GABRP: variants seen among roughly 807,000 people sequenced by gnomAD.
The protein encoded by GABRP is gamma-aminobutyric acid receptor subunit pi.
A neutral mutation model predicts 47.8 loss-of-function variants in GABRP; 52 were observed. The ratio of observed to expected loss-of-function variants is 1.09; its 90% CI spans 0.87 to 1.37. GABRP has a LOEUF of 1.37. Among genes scored for constraint, GABRP ranks in the 40% most tolerant of loss-of-function variants. The pLI is 0.00. For missense variants in GABRP, 525 were observed against 542.8 expected (o/e 0.97, Z 0.33); for synonymous variants, 221 against 205.8 (o/e 1.07, Z -0.63).
chr5:170,794,050 C>T (rs1765352520), intron 3 of GABRP, among the ~76,000 whole-genome samples, 181 bp from the exon 4 acceptor site: 2 of 152,138 alleles, frequency 1.3e-5, no homozygotes, highest in African/African-American at 4.8e-5. Flanking sequence ...GCACACCATA[C>T]ACAATGGTTA....
upstream of GABRP, chr5:170,783,646 A>G (rs1765058356): frequency 6.6e-6 from 1 of 152,140 alleles, no homozygotes; most frequent in Non-Finnish European, 1.5e-5. Context: ...GTCCCCACCA[A>G]GGATGGGGCT....
At chr5:170,802,080 G>A (rs1395910666) in intron 6 of GABRP, among the ~76,000 whole-genome samples, 1 of 152,164 alleles carries the variant, frequency 6.6e-6, no homozygotes, top group Non-Finnish European at 1.5e-5. Context: ...TAGATATAAA[G>A]CTCACACAGT....
rs1307038037 is a variant in GABRP, at chr5:170,808,748, C to A, written c.828C>A (p.Cys276Ter). 1.2e-6 allele frequency: 2 copies of A among 1,613,642 alleles called. No homozygotes were observed. The highest frequency in any genetic ancestry group is 1.3e-5 in the African/African-American group (1 of 74,916). The change falls in exon 8 of 10, where the codon TGC becomes TGA. Residue 276 changes from cysteine to a stop codon, truncating the protein, a stop_gained. Transcript: ENST00000265294. LOFTEE classifies it high-confidence loss of function. ...ISLDSVPART[C>*]IGVTTVLSMT... ...TCGATTCAGTCCCTGCAAGAACCTG[C>A]ATTGGTAAGCAGCTCCAACAGGAGA...
intron 3 of GABRP, among the ~76,000 whole-genome samples, chr5:170,793,743 C>A (rs902757820): frequency 3.3e-5 from 5 of 151,622 alleles, no homozygotes; most frequent in Admixed American, 2.0e-4. Flanking sequence ...GTTCCTTATG[C>A]GTTAATTCAG....
At chr5:170,810,443 C>G (rs565250149) in intron 9 of GABRP, among the ~76,000 whole-genome samples, 1 of 151,798 alleles carries the variant, frequency 6.6e-6, no homozygotes, top group South Asian at 2.1e-4. Context: ...AGAGACTTAC[C>G]GCAGGGGATA....
rs888655801 is a variant in GABRP at position 170,813,098 on chromosome 5, T to C, written c.*840T>C. The C allele has an allele frequency of 6.6e-6, 1 of 152,194 alleles. No individual in the cohort carries two copies. The highest frequency in any genetic ancestry group is 1.5e-5 in the Non-Finnish European group (1 of 68,036). 9.4% of individuals were successfully genotyped at this position (152,194 alleles called of 1,614,324 possible). A position where few individuals can be genotyped will look rare whatever the true frequency, so the allele number is the denominator to read the frequency against. On this transcript the variant is annotated 3_prime_UTR_variant, in exon 10 of 10. Coordinates refer to ENST00000265294, the MANE Select transcript of GABRP (RefSeq NM_014211.3). ...TTTTTTTTAACTTGTTCTAGAAGTCTTAATATGGGCTGTTGCCATGAAGGC... is the reference window on the plus strand; with the variant it reads ...TTTTTTTTAACTTGTTCTAGAAGTCCTAATATGGGCTGTTGCCATGAAGGC...
upstream of GABRP, chr5:170,782,979 G>C (rs4868027): frequency 0.63 from 96,458 of 152,174 alleles, 31,839 homozygotes; most frequent in African/African-American, 0.79. Flanking sequence ...GAGCACTGTC[G>C]AAGCACTTCT....
intron 3 of GABRP, among the ~76,000 whole-genome samples, chr5:170,789,827 C>T (rs1288229498): frequency 6.6e-6 from 1 of 152,182 alleles, no homozygotes; most frequent in African/African-American, 2.4e-5. Context: ...CCTGGCCTCT[C>T]CTGCCTCTAT....
chr5:170,805,625 C>T lies in GABRP; in HGVS notation c.542-91C>T, dbSNP rs908201971. On this transcript the variant is annotated intron_variant, in intron 6 of 9. Transcript: ENST00000265294. Reference sequence around the variant, plus strand: ...GACTTATCACTATGAAGAAAGAACTCATGCTGTCTCCATATTATAGCATTT... The same window carrying T: ...GACTTATCACTATGAAGAAAGAACTTATGCTGTCTCCATATTATAGCATTT... 1.7e-5 allele frequency: 24 copies of T among 1,380,954 alleles called. No homozygotes were observed. The African/African-American group carries it at 3.4e-4, about 20-fold the overall frequency. The allele number at this position is 1,380,954 out of a possible 1,614,324, so 85.5% of individuals were successfully genotyped here.
At chr5:170,804,775 C>T (rs1250405192) in intron 6 of GABRP, among the ~76,000 whole-genome samples, 2 of 151,808 alleles carry the variant, frequency 1.3e-5, no homozygotes, top group African/African-American at 2.4e-5. Flanking sequence ...ATTAAACTTT[C>T]CTAAGGTAAC....
At chr5:170,791,090 C>A (rs1561807477) in intron 3 of GABRP, among the ~76,000 whole-genome samples, 1 of 152,204 alleles carries the variant, frequency 6.6e-6, no homozygotes, top group Non-Finnish European at 1.5e-5. Context: ...GCCTCCCAAA[C>A]CCCAAACAAT....
chr5:170,809,126 G>T (rs1283839463), intron 8 of GABRP, among the ~76,000 whole-genome samples: 1 of 152,058 alleles, frequency 6.6e-6, no homozygotes, highest in African/African-American at 2.4e-5. Flanking sequence ...TAGTAGAGAT[G>T]GGGTTTCACC....
intron 6 of GABRP, among the ~76,000 whole-genome samples, chr5:170,802,698 G>A (rs867830160): frequency 2.0e-5 from 3 of 151,622 alleles, no homozygotes; most frequent in African/African-American, 4.9e-5. Context: ...AGCGGAGGGA[G>A]TTTTCTCTGT....
intron 5 of GABRP, among the ~76,000 whole-genome samples, chr5:170,797,078 A>G (rs1201700427): frequency 6.6e-6 from 1 of 152,230 alleles, no homozygotes; most frequent in Non-Finnish European, 1.5e-5. Context: ...AGCCTATGCA[A>G]GTCCCTATGC....
At chr5:170,811,864 C>T (rs2127268306) in intron 9 of GABRP, 92 bp from the exon 10 acceptor site, 3 of 1,159,476 alleles carry the variant, frequency 2.6e-6, no homozygotes, top group Admixed American at 2.1e-5. Context: ...TTATTCAACA[C>T]TTAGGCCTCT....
chr5:170,800,983 C>T (rs1371515689), intron 6 of GABRP, among the ~76,000 whole-genome samples: 2 of 152,176 alleles, frequency 1.3e-5, no homozygotes, highest in Non-Finnish European at 2.9e-5. Flanking sequence ...ATATTCTTTT[C>T]CCAATAAATA....
At chr5:170,788,522 G>A (rs1765182432) in intron 1 of GABRP, 52 bp from the exon 2 acceptor site, 2 of 1,214,388 alleles carry the variant, frequency 1.6e-6, no homozygotes, top group Non-Finnish European at 2.4e-6. Context: ...CTGGCCAGGA[G>A]CAGGTGAGCC....
rs913200614 is a variant in GABRP at position 170,813,722 on chromosome 5, C to A, written c.*1464C>A. On this transcript the variant is annotated 3_prime_UTR_variant, in exon 10 of 10. Coordinates refer to ENST00000265294, the MANE Select transcript of GABRP (RefSeq NM_014211.3). ...TTTACCTTTCCTGTCAGAAATAAAC[C>A]AAGGCTCTAAAAGATGATTTCCCTT... 1.3e-5 allele frequency: 2 copies of A among 152,076 alleles called. No individual in the cohort carries two copies. Among genetic ancestry groups the A allele is most frequent in the African/African-American group, 4.8e-5 (2 of 41,426 alleles). The allele number at this position is 152,076 out of a possible 1,614,324, so 9.4% of individuals were successfully genotyped here. A position where few individuals can be genotyped will look rare whatever the true frequency, so the allele number is the denominator to read the frequency against.
At chr5:170,795,557 C>T (rs2127256055) in intron 5 of GABRP, 132 bp downstream of exon 5, 4 of 696,560 alleles carry the variant, frequency 5.7e-6, no homozygotes, top group Non-Finnish European at 1.0e-5. Flanking sequence ...ATCCTTGCCC[C>T]CATAATAGAA....
Sources: allele counts gnomAD v4.1 joint callset (sites outside exome capture counted in the v4.1 genomes callset), GRCh38; gene constraint gnomAD v4.1.1; transcripts MANE v1.5; gene names NCBI Gene and HGNC (gene_info 2026-07-23, HGNC 2026-07-21).